The following AGXT2 variants were observed in gnomAD, a reference collection of about 807,000 sequenced individuals.
AGXT2 encodes alanine--glyoxylate aminotransferase 2.
In AGXT2, 61 loss-of-function variants were observed where a neutral mutation model predicts 62.5. The observed-to-expected ratio is 0.98, with a 90% confidence interval of 0.79 to 1.21. The LOEUF is 1.21. AGXT2 is among the 50% of genes most tolerant of loss of function. AGXT2 has a pLI of 0.00. For missense variants in AGXT2, 666 were observed against 641.5 expected, an observed-to-expected ratio of 1.04 and a Z score of -0.41; for synonymous variants, 243 against 218.7, an observed-to-expected ratio of 1.11 and a Z score of -0.98.
intron 9 of AGXT2, among the ~76,000 whole-genome samples, chr5:35,022,049 G>A (rs1342876205): frequency 1.3e-5 from 2 of 152,042 alleles, no homozygotes; most frequent in East Asian, 3.8e-4. Flanking sequence ...AGTTAGAATG[G>A]TGATCATTAA....
intron 12 of AGXT2, among the ~76,000 whole-genome samples, chr5:35,008,501 C>T (rs1488545508): frequency 6.6e-6 from 1 of 152,180 alleles, no homozygotes; most frequent in Non-Finnish European, 1.5e-5. Context: ...CTCTTCTGAA[C>T]GTTACAACAA....
chr5:35,009,998 A>G lies in AGXT2; in HGVS notation c.1338+2T>C. On this transcript the variant is annotated splice_donor_variant, in intron 12 of 13. Coordinates refer to ENST00000231420, the MANE Select transcript of AGXT2 (RefSeq NM_031900.4). LOFTEE classifies it high-confidence loss of function. ...GAGAGAGAGGGGCAGATTAGCACCT[A>G]CCTTATCCTGCACCATTTCTATGCC... 1 of 1,614,148 alleles carries G rather than the reference A, an allele frequency of 6.2e-7. No individual in the cohort carries two copies. The highest frequency in any genetic ancestry group is 2.2e-5 in the East Asian group (1 of 44,874).
chr5:35,037,646 G>A (rs1561233085), intron 3 of AGXT2, among the ~76,000 whole-genome samples: 1 of 152,048 alleles, frequency 6.6e-6, no homozygotes, highest in Non-Finnish European at 1.5e-5. Flanking sequence ...TCAATTCCTG[G>A]GCTCAAGAGA....
intron 9 of AGXT2, among the ~76,000 whole-genome samples, chr5:35,022,861 ATAT>A (rs1231360711): frequency 6.6e-6 from 1 of 151,848 alleles, no homozygotes; most frequent in Non-Finnish European, 1.5e-5. Flanking sequence ...AACTCTGATA[ATAT>A]TGTTTTTCTT....
Position 35,039,508 on chromosome 5 carries a change from A to C in AGXT2, c.178T>G (p.Ser60Ala), listed in dbSNP as rs781025456. The stretch of plus-strand genomic sequence containing the variant: ...TCCAGGACACGGTTGTAGCCAAGGG[A>C]CTGTAGATAAACAAGATTTAAACCC... ...PCDFMPERYQ[S>A]LGYNRVLEIH... Residue 60 changes from serine (S) to alanine (A), a missense_variant and splice_region_variant, in exon 3 of 14, where the codon TCC (serine) becomes GCC (alanine). By Grantham distance (99) the Ser-to-Ala change is moderately conservative. Coordinates refer to ENST00000231420, the MANE Select transcript of AGXT2 (RefSeq NM_031900.4). The C allele has an allele frequency of 1.9e-6, 3 of 1,613,616 alleles. No homozygotes were observed. The highest frequency in any genetic ancestry group is 2.5e-6 in the Non-Finnish European group (3 of 1,179,620).
intron 9 of AGXT2, among the ~76,000 whole-genome samples, chr5:35,021,979 A>T (rs1318548700): frequency 6.6e-6 from 1 of 152,212 alleles, no homozygotes; most frequent in East Asian, 1.9e-4. Flanking sequence ...AAAAATGCTC[A>T]TCATCACTGG....
intron 11 of AGXT2, chr5:35,012,611 CA>C: frequency 3.1e-6 from 1 of 323,286 alleles, no homozygotes; most frequent in Non-Finnish European, 6.0e-6. Context: ...AAAAAATACA[CA>C]AGAGAAGGCC....
At chr5:35,025,934 T>A in intron 8 of AGXT2, 79 bp from the exon 9 acceptor site, 1 of 1,138,516 alleles carries the variant, frequency 8.8e-7, no homozygotes, top group Non-Finnish European at 1.3e-6. Flanking sequence ...AGATCATCAT[T>A]ATCATCATTA....
intron 1 of AGXT2, among the ~76,000 whole-genome samples, chr5:35,044,360 G>T (rs568907720): frequency 2.0e-5 from 3 of 152,148 alleles, no homozygotes; most frequent in Non-Finnish European, 4.4e-5. Flanking sequence ...ACATGGGGCC[G>T]CAGTCTGCAG....
At chr5:35,021,312 A>G (rs1378586867) in intron 9 of AGXT2, among the ~76,000 whole-genome samples, 1 of 152,050 alleles carries the variant, frequency 6.6e-6, no homozygotes, top group Non-Finnish European at 1.5e-5. Context: ...ACACTACCTG[A>G]CTTCAAACTA....
intron 12 of AGXT2, among the ~76,000 whole-genome samples, chr5:35,006,812 T>C (rs1766443033): frequency 6.6e-6 from 1 of 152,220 alleles, no homozygotes; most frequent in Non-Finnish European, 1.5e-5. Context: ...GACAGCATTA[T>C]AGCAAAGTTC....
chr5:35,042,394 G>A (rs1292314250), intron 1 of AGXT2, among the ~76,000 whole-genome samples: 2 of 152,080 alleles, frequency 1.3e-5, no homozygotes, highest in Non-Finnish European at 2.9e-5. Context: ...GGAAGAAATA[G>A]AGACAGTAAT....
chr5:34,999,668 T>G (rs1766156530), intron 13 of AGXT2, among the ~76,000 whole-genome samples: 1 of 152,162 alleles, frequency 6.6e-6, no homozygotes, highest in South Asian at 2.1e-4. Context: ...CCTTTATCAT[T>G]CCTCTCAATT....
At chr5:35,010,190 T>A (rs1390159385) in intron 11 of AGXT2, 41 bp from the exon 12 acceptor site, 1 of 1,613,124 alleles carries the variant, frequency 6.2e-7, no homozygotes, top group Non-Finnish European at 8.5e-7. Flanking sequence ...ATGGCAGAAG[T>A]TCTAAGATTG....
chr5:35,014,003 T>C lies in AGXT2; in HGVS notation c.1080A>G (p.Ala360=), dbSNP rs146930891. ...KGIGNGFPMA[A]VITTPEIAKS... ...GGGTCCTACCTGGAGTGGTTATGAC[T>C]GCTGCCATGGGAAAGCCATTCCCAA... Residue 360 remains alanine (A), a synonymous_variant, in exon 10 of 14, where the codon GCA becomes GCG. Coordinates refer to ENST00000231420, the MANE Select transcript of AGXT2 (RefSeq NM_031900.4). 1.2e-5 allele frequency: 19 copies of C among 1,613,998 alleles called. No homozygotes were observed. The African/African-American group carries it at 2.1e-4, about 18-fold the overall frequency.
intron 1 of AGXT2, among the ~76,000 whole-genome samples, chr5:35,042,692 G>C (rs1388859512): frequency 6.6e-6 from 1 of 151,298 alleles, no homozygotes; most frequent in African/African-American, 2.4e-5. Flanking sequence ...AGCTTTTTTG[G>C]GGGCTCCTGG....
intron 3 of AGXT2, among the ~76,000 whole-genome samples, 179 bp downstream of exon 3, chr5:35,039,145 A>C (rs1767886672): frequency 6.6e-6 from 1 of 152,204 alleles, no homozygotes; most frequent in Admixed American, 6.5e-5. Context: ...ATTGTCAAGA[A>C]AGGAAAAGTA....
chr5:35,040,432 C>T (rs1292435163), intron 2 of AGXT2, 143 bp downstream of exon 2: 1 of 782,740 alleles, frequency 1.3e-6, no homozygotes, highest in Non-Finnish European at 2.2e-6. Context: ...CAGATGCTTC[C>T]AATGACTTAG....
chr5:35,047,085 G>A (rs1267361796), intron 1 of AGXT2, among the ~76,000 whole-genome samples: 2 of 152,214 alleles, frequency 1.3e-5, no homozygotes, highest in African/African-American at 4.8e-5. Context: ...GCAATTGAGA[G>A]CGTGGTCTCA....
Sources: gnomAD v4.1 joint callset for allele counts (sites outside exome capture counted in the v4.1 genomes callset) on GRCh38, gnomAD v4.1.1 for gene constraint, MANE v1.5 for transcripts, NCBI Gene and HGNC (gene_info 2026-07-23, HGNC 2026-07-21) for gene names.